ARIH1: variants seen among roughly 807,000 people sequenced by gnomAD.
ARIH1 encodes ariadne RBR E3 ubiquitin protein ligase 1.
Under a neutral mutation model 85.0 loss-of-function variants are expected in ARIH1, and 8 were observed. The ratio of observed to expected loss-of-function variants is 0.09; its 90% CI spans 0.06 to 0.17. ARIH1 has a LOEUF of 0.17. Ranked by LOEUF, ARIH1 falls within the 10% of genes least tolerant of loss-of-function variation. The pLI is 1.00. For missense variants in ARIH1, 311 were observed against 718.1 expected, an observed-to-expected ratio of 0.43 and a Z score of 6.48; for synonymous variants, 238 against 253.6, an observed-to-expected ratio of 0.94 and a Z score of 0.59.
rs192833195 is a variant in ARIH1 at position 72,479,067 on chromosome 15, C to T, written c.375+4053C>T. Among the ~76,000 whole-genome samples, 194 of 152,096 alleles carry T rather than the reference C, an allele frequency of 1.3e-3. 1 individual carries two copies. Among genetic ancestry groups the T allele is most frequent in the African/African-American group, 4.5e-3 (188 of 41,498 alleles). ...TGTTGCCCAGGCCAGTCTCAAACTC[C>T]TGGCCTCAAGCGCTCCTTGAACCTC... On this transcript the variant is annotated intron_variant, in intron 1 of 13. Coordinates refer to ENST00000379887, the MANE Select transcript of ARIH1 (RefSeq NM_005744.5).
intron 1 of ARIH1, among the ~76,000 whole-genome samples, chr15:72,498,961 A>ATTTTTTTTTTTTTTTTTTTTTTT (rs535261674): frequency 3.4e-5 from 3 of 88,450 alleles, no homozygotes; most frequent in African/African-American, 9.3e-5. Context: ...CTTTTCATAA[A>ATTTTTTTTTTTTTTTTTTTTTTT]TTTTTTTTTT....
chr15:72,546,567 C>T (rs1034115857), intron 3 of ARIH1, among the ~76,000 whole-genome samples: 6 of 151,786 alleles, frequency 4.0e-5, no homozygotes, highest in Non-Finnish European at 8.8e-5. Context: ...ACTGCAGCCT[C>T]AAACTCCTGG....
chr15:72,549,174 A>T (rs188016586), intron 3 of ARIH1, among the ~76,000 whole-genome samples: 2 of 142,844 alleles, frequency 1.4e-5, no homozygotes, highest in African/African-American at 5.3e-5. Context: ...TGCAACCTCC[A>T]CCCCGCAGTT....
chr15:72,517,293 T>C (rs909543913), intron 1 of ARIH1, among the ~76,000 whole-genome samples: 5 of 152,194 alleles, frequency 3.3e-5, no homozygotes, highest in African/African-American at 4.8e-5. Context: ...TAAAAGAGAC[T>C]GGGTCTAACT....
At chr15:72,510,943 A>T (rs2063948217) in intron 1 of ARIH1, among the ~76,000 whole-genome samples, 1 of 151,858 alleles carries the variant, frequency 6.6e-6, no homozygotes, top group African/African-American at 2.4e-5. Context: ...AAAATTTTTC[A>T]AAATTTGGCC....
In ARIH1 at chr15:72,587,489, A is replaced by G; in HGVS notation, c.*4197A>G. 1 of 268,104 alleles carries G rather than the reference A, an allele frequency of 3.7e-6. No individual in the cohort carries two copies. Among genetic ancestry groups the G allele is most frequent in the South Asian group, 3.7e-5 (1 of 27,142 alleles). 16.6% of individuals were successfully genotyped at this position (268,104 alleles called of 1,614,324 possible). On this transcript the variant is annotated 3_prime_UTR_variant, in exon 14 of 14. Transcript: ENST00000379887. The stretch of plus-strand genomic sequence containing the variant: ...CCAAGTAATTTGCAGTTGTTGGTTT[A>G]GTTATTCAAATGAATTTCCATTGTA...
rs567624592 is a variant in ARIH1, at chr15:72,578,903, G to A, written c.1216-1828G>A. On this transcript the variant is annotated intron_variant, in intron 11 of 13. Coordinates refer to ENST00000379887, the MANE Select transcript of ARIH1 (RefSeq NM_005744.5). ...GCAACTCGGCAATTCTCCTGCCTCA[G>A]CCTCCCAAGTAGATGGGATTACAGG... Among the ~76,000 whole-genome samples the A allele has an allele frequency of 2.2e-4, 33 of 146,788 alleles. No individual in the cohort carries two copies. The East Asian group carries it at 5.1e-3, about 22-fold the overall frequency.
At chr15:72,510,560 T>C (rs2140406634) in intron 1 of ARIH1, among the ~76,000 whole-genome samples, 1 of 151,102 alleles carries the variant, frequency 6.6e-6, no homozygotes, top group Middle Eastern at 3.4e-3. Context: ...CTGGCTAACA[T>C]GGTGAAAGCC....
rs547206410 is a variant in ARIH1 at position 72,600,832 on chromosome 15, G to A, written c.*17540G>A. On this transcript the variant is annotated 3_prime_UTR_variant, in exon 14 of 14. Transcript: ENST00000379887. ...GTTCTATCTTCCTCACAAGATCTGA[G>A]GTCAAAGGAGAGATTTTGAAACATT... is the stretch of plus-strand genomic sequence containing the variant. 1.3e-5 allele frequency: 2 copies of A among 152,280 alleles called. No homozygotes were observed. Among genetic ancestry groups the A allele is most frequent in the South Asian group, 4.1e-4 (2 of 4,830 alleles). 9.4% of individuals were successfully genotyped at this position (152,280 alleles called of 1,614,324 possible). A position where few individuals can be genotyped will look rare whatever the true frequency, so the allele number is the denominator to read the frequency against.
Position 72,474,870 on chromosome 15 carries a change from C to CGGT in ARIH1, c.234_236dup (p.Gly90dup). On this transcript the variant is annotated inframe_insertion, in exon 1 of 14. Coordinates refer to ENST00000379887, the MANE Select transcript of ARIH1 (RefSeq NM_005744.5). ...GCGGCGGCAGCGCTCTGGGGCCCGGCGGTGGCGGCGGCGGCGGCGGCGGCG... is the reference window on the plus strand; with the variant it reads ...GCGGCGGCAGCGCTCTGGGGCCCGGCGGTGGTGGCGGCGGCGGCGGCGGCGGCG... 2.8e-6 allele frequency: 4 copies of CGGT among 1,413,418 alleles called. No individual in the cohort carries two copies. The highest frequency in any genetic ancestry group is 1.6e-5 in the South Asian group (1 of 63,194). 87.6% of individuals were successfully genotyped at this position (1,413,418 alleles called of 1,614,324 possible). A position where few individuals can be genotyped will look rare whatever the true frequency, so the allele number is the denominator to read the frequency against.
chr15:72,526,677 T>C (rs1250190922), intron 2 of ARIH1, among the ~76,000 whole-genome samples: 1 of 152,054 alleles, frequency 6.6e-6, no homozygotes, highest in Non-Finnish European at 1.5e-5. Flanking sequence ...TGAACCCTGA[T>C]CTTGCACTCC....
At chr15:72,541,974 G>A (rs1048209876) in intron 2 of ARIH1, among the ~76,000 whole-genome samples, 1 of 152,216 alleles carries the variant, frequency 6.6e-6, no homozygotes, top group Non-Finnish European at 1.5e-5. Context: ...GGAGCTGTCA[G>A]AGATCAGTTA....
chr15:72,481,546 G>T (rs1595847518), intron 1 of ARIH1, among the ~76,000 whole-genome samples: 1 of 152,054 alleles, frequency 6.6e-6, no homozygotes, highest in African/African-American at 2.4e-5. Flanking sequence ...CTAGCTGGGC[G>T]TGGTGGCCTG....
At chr15:72,486,217 G>C (rs989196184) in intron 1 of ARIH1, among the ~76,000 whole-genome samples, 2 of 152,080 alleles carry the variant, frequency 1.3e-5, no homozygotes, top group Non-Finnish European at 2.9e-5. Flanking sequence ...GTTACCTGAG[G>C]TGTGCAGCAG....
intron 1 of ARIH1, among the ~76,000 whole-genome samples, chr15:72,511,307 T>G (rs2063949724): frequency 6.6e-6 from 1 of 152,182 alleles, no homozygotes; most frequent in Non-Finnish European, 1.5e-5. Context: ...TTTTCTTTCT[T>G]TCTTTCTTTT....
chr15:72,479,481 T>G (rs2063806697), intron 1 of ARIH1, among the ~76,000 whole-genome samples: 1 of 151,944 alleles, frequency 6.6e-6, no homozygotes, highest in African/African-American at 2.4e-5. Context: ...TGATCTTGGC[T>G]CAGTGCAACC....
At chr15:72,565,134 G>A (rs942216933) in intron 7 of ARIH1, among the ~76,000 whole-genome samples, 6 of 152,094 alleles carry the variant, frequency 3.9e-5, no homozygotes, top group Non-Finnish European at 7.4e-5. Flanking sequence ...GCACGATCTC[G>A]CACTGTAACC....
At chr15:72,522,687 A>G (rs1355373352) in intron 2 of ARIH1, among the ~76,000 whole-genome samples, 1 of 151,488 alleles carries the variant, frequency 6.6e-6, no homozygotes. Flanking sequence ...AAAGATAAAG[A>G]TCTTTGACAT....
rs1361234355 is a variant in ARIH1 at position 72,474,661 on chromosome 15, A to C, written c.22A>C (p.Asn8His). The C allele has an allele frequency of 3.9e-6, 6 of 1,553,746 alleles. No homozygotes were observed. The highest frequency in any genetic ancestry group is 1.4e-5 in the African/African-American group (1 of 70,918). MDSDEGY[N>H]YEFDEDEECS... The stretch of plus-strand genomic sequence containing the variant: ...CGCCATGGACTCGGACGAGGGCTAC[A>C]ACTACGAGTTCGACGAGGACGAGGA... The change falls in exon 1 of 14, where the codon AAC becomes CAC. Residue 8 changes from asparagine to histidine, a missense_variant. Around this residue, in one of 3 missense-constraint regions of ARIH1, gnomAD observed 157 missense variants for 185.1 expected, o/e 0.85. Transcript: ENST00000379887.
Sources: allele counts gnomAD v4.1 joint callset (sites outside exome capture counted in the v4.1 genomes callset), GRCh38; gene constraint gnomAD v4.1.1; regional missense constraint gnomAD v4.1.1; transcripts MANE v1.5; gene names NCBI Gene and HGNC (gene_info 2026-07-23, HGNC 2026-07-21).